METTL16: variants seen among roughly 807,000 people sequenced by gnomAD.
METTL16 encodes the protein RNA N(6)-adenosine-methyltransferase METTL16.
In METTL16, 19 loss-of-function variants were observed where a neutral mutation model predicts 57.9. The observed-to-expected ratio is 0.33, with a 90% CI of 0.23 to 0.48. The LOEUF is 0.48. Ranked by LOEUF, METTL16 falls within the 20% of genes least tolerant of loss-of-function variation. The pLI, the probability that METTL16 is intolerant of heterozygous loss-of-function variation, is 0.99. For synonymous variants in METTL16, 246 were observed against 255.6 expected (o/e 0.96, Z 0.36); for missense variants, 434 against 691.5 (o/e 0.63, Z 4.18).
At position 2,417,121 on chromosome 17, in the gene METTL16, A is replaced by C. The variant is rs2066725249; in HGVS notation, c.*2849T>G. On this transcript the variant is annotated 3_prime_UTR_variant, in exon 10 of 10. Transcript: ENST00000263092. The stretch of plus-strand genomic sequence containing the variant: ...CACTTTGTCGCCCAGGCTGTAGTGC[A>C]GTGGCATTCTCGGCTCACTGCAACC... 1 of 123,704 alleles carries C rather than the reference A, an allele frequency of 8.1e-6. No individual in the cohort carries two copies. Among genetic ancestry groups the C allele is most frequent in the South Asian group, 2.7e-4 (1 of 3,668 alleles). The allele number at this position is 123,704 out of a possible 1,614,324, so 7.7% of individuals were successfully genotyped here. A position where few individuals can be genotyped will look rare whatever the true frequency, so the allele number is the denominator to read the frequency against.
In METTL16 at chr17:2,419,852, T is replaced by C. The variant is rs1168439040; in HGVS notation, c.*118A>G. On this transcript the variant is annotated 3_prime_UTR_variant, in exon 10 of 10. Transcript: ENST00000263092. Reference sequence around the variant, plus strand: ...GGGGACAGATTCATAGGTTTTTGTTTTCGAAGATAATTCCACATCGTGCTA... The same window carrying C: ...GGGGACAGATTCATAGGTTTTTGTTCTCGAAGATAATTCCACATCGTGCTA... 1.5e-6 allele frequency: 2 copies of C among 1,305,250 alleles called. No individual in the cohort carries two copies. The highest frequency in any genetic ancestry group is 2.2e-6 in the Non-Finnish European group (2 of 926,600). The allele number at this position is 1,305,250 out of a possible 1,614,324, so 80.9% of individuals were successfully genotyped here. A position where few individuals can be genotyped will look rare whatever the true frequency, so the allele number is the denominator to read the frequency against.
At chr17:2,444,915 CA>C (rs1441371067) in intron 6 of METTL16, among the ~76,000 whole-genome samples, 1 of 152,032 alleles carries the variant, frequency 6.6e-6, no homozygotes, top group Non-Finnish European at 1.5e-5. Context: ...AGGGTTTCAC[CA>C]TGTTGGCCAG....
chr17:2,506,858 C>A lies in METTL16; in HGVS notation c.1-4527G>T, dbSNP rs1188854469. ...GAAGTGAGGAGCGTCTCTGCCCGGC[C>A]GCCCATCATCTGAGATGTGGGGAGC... On this transcript the variant is annotated intron_variant, in intron 1 of 9. Coordinates refer to ENST00000263092, the MANE Select transcript of METTL16 (RefSeq NM_024086.4). Among the ~76,000 whole-genome samples, 5 of 151,814 alleles carry A rather than the reference C, an allele frequency of 3.3e-5. No individual in the cohort carries two copies. In the East Asian group the frequency reaches 9.8e-4, roughly 30 times the overall value.
At chr17:2,479,295 T>C (rs914244688) in intron 2 of METTL16, among the ~76,000 whole-genome samples, 12 of 150,050 alleles carry the variant, frequency 8.0e-5, no homozygotes, top group African/African-American at 2.5e-4. Context: ...GCCCCACAAG[T>C]AGCTGGGACT....
chr17:2,506,497 G>T (rs1347481950), intron 1 of METTL16, among the ~76,000 whole-genome samples: 1 of 91,726 alleles, frequency 1.1e-5, no homozygotes, highest in Admixed American at 1.0e-4. Context: ...TGTGTTGGCC[G>T]GGCTGGTCTC....
intron 6 of METTL16, among the ~76,000 whole-genome samples, chr17:2,463,401 T>A (rs1169279503): frequency 6.6e-6 from 1 of 152,202 alleles, no homozygotes; most frequent in Non-Finnish European, 1.5e-5. Context: ...GCATGGAACA[T>A]CCTCAGAAAC....
chr17:2,420,894 C>A lies in METTL16; in HGVS notation c.899G>T (p.Ser300Ile), dbSNP rs1370047459. Reference protein sequence around the residue: ...YDDVTVPSPPSKRRKLEKPRK... With the variant: ...YDDVTVPSPPIKRRKLEKPRK... ...CGGTTTCTCTAATTTTCTTCGCTTACTTGGTGGTGACTGCAAGAAAAAGGA... is the reference window on the plus strand; with the variant it reads ...CGGTTTCTCTAATTTTCTTCGCTTAATTGGTGGTGACTGCAAGAAAAAGGA... The change falls in exon 9 of 10, where the codon AGT becomes ATT. Residue 300 changes from serine (S) to isoleucine (I), a missense_variant. Around this residue, in one of 5 missense-constraint regions of METTL16, gnomAD observed 96 missense variants for 138.3 expected, o/e 0.69. Coordinates refer to ENST00000263092, the MANE Select transcript of METTL16 (RefSeq NM_024086.4). The surrounding 1 kb of genome is among the most constrained non-coding windows in gnomAD (Gnocchi z 5.4). 10 of 1,612,786 alleles carry A rather than the reference C, an allele frequency of 6.2e-6. No homozygotes were observed. The highest frequency in any genetic ancestry group is 2.7e-5 in the African/African-American group (2 of 74,826).
chr17:2,506,815 G>A (rs1336314049), intron 1 of METTL16, among the ~76,000 whole-genome samples: 12 of 149,924 alleles, frequency 8.0e-5, no homozygotes, highest in African/African-American at 3.0e-4. Flanking sequence ...GTCTCTGCCC[G>A]GCCGCCATCC....
rs76347983 is a variant in METTL16 at position 2,434,992 on chromosome 17, G to A, written c.888+3117C>T. On this transcript the variant is annotated intron_variant, in intron 8 of 9. Coordinates refer to ENST00000263092, the MANE Select transcript of METTL16 (RefSeq NM_024086.4). Reference sequence around the variant, plus strand: ...AAAACAAAGCTAAAATAATGCTTTCGGCAATTAGCGGAGAGCTGGAACAAA... The same window carrying A: ...AAAACAAAGCTAAAATAATGCTTTCAGCAATTAGCGGAGAGCTGGAACAAA... Among the ~76,000 whole-genome samples, 203 of 152,280 alleles carry A rather than the reference G, an allele frequency of 1.3e-3. 3 individuals carry two copies. The East Asian group carries it at 0.034, about 26-fold the overall frequency.
At chr17:2,426,067 CATT>C (rs1252823413) in intron 8 of METTL16, among the ~76,000 whole-genome samples, 3 of 145,902 alleles carry the variant, frequency 2.1e-5, no homozygotes, top group Non-Finnish European at 4.5e-5. Flanking sequence ...TGAATGAAAT[CATT>C]AAATTCTCTC....
chr17:2,500,887 CG>C (rs1567907436), intron 2 of METTL16, among the ~76,000 whole-genome samples: 1 of 151,874 alleles, frequency 6.6e-6, no homozygotes, highest in Non-Finnish European at 1.5e-5. Context: ...GAAGCCAAGG[CG>C]GGCGGATCAC....
At chr17:2,451,333 G>C in intron 6 of METTL16, among the ~76,000 whole-genome samples, 1 of 152,096 alleles carries the variant, frequency 6.6e-6, no homozygotes, top group East Asian at 1.9e-4. Flanking sequence ...CTTTAAGAAA[G>C]TATCATCGGG....
intron 5 of METTL16, among the ~76,000 whole-genome samples, chr17:2,464,815 A>G (rs2067178719): frequency 6.6e-6 from 1 of 151,914 alleles, no homozygotes; most frequent in African/African-American, 2.4e-5. Flanking sequence ...ATAAATTTTC[A>G]TGAGCTTGGA....
At chr17:2,493,023 A>G (rs1597469382) in intron 2 of METTL16, among the ~76,000 whole-genome samples, 1 of 151,662 alleles carries the variant, frequency 6.6e-6, no homozygotes, top group Non-Finnish European at 1.5e-5. Flanking sequence ...TTAAGAGACC[A>G]CTTAGGAGTT....
At chr17:2,473,721 A>C (rs2067250758) in intron 3 of METTL16, 57 bp from the exon 4 acceptor site, 5 of 1,539,954 alleles carry the variant, frequency 3.2e-6, no homozygotes, top group Non-Finnish European at 4.4e-6. Flanking sequence ...GGTTACAATA[A>C]TCATGAAAAC....
intron 7 of METTL16, among the ~76,000 whole-genome samples, chr17:2,438,776 G>A (rs2066926737): frequency 6.6e-6 from 1 of 152,168 alleles, no homozygotes; most frequent in Non-Finnish European, 1.5e-5. Flanking sequence ...TTACAGGTGT[G>A]AGCCACCACA....
intron 2 of METTL16, among the ~76,000 whole-genome samples, chr17:2,494,044 A>C (rs2067421955): frequency 6.6e-6 from 1 of 152,092 alleles, no homozygotes; most frequent in Non-Finnish European, 1.5e-5. Context: ...GATTACTTTT[A>C]ATTTCTTTTC....
chr17:2,444,189 G>A (rs1331087344), intron 6 of METTL16, among the ~76,000 whole-genome samples: 1 of 152,096 alleles, frequency 6.6e-6, no homozygotes, highest in African/African-American at 2.4e-5. Context: ...GTTGAGGCCG[G>A]GCACGGTGGC....
At chr17:2,433,633 C>T (rs11872041) in intron 8 of METTL16, among the ~76,000 whole-genome samples, 41,325 of 152,082 alleles carry the variant, frequency 0.27, 9,381 homozygotes, top group African/African-American at 0.62. Context: ...CTGCAGTAGA[C>T]GTAGTTCACT....
Sources: allele counts gnomAD v4.1 joint callset (sites outside exome capture counted in the v4.1 genomes callset), GRCh38; gene constraint gnomAD v4.1.1; regional missense constraint gnomAD v4.1.1; non-coding constraint Gnocchi (gnomAD v3.1); transcripts MANE v1.5; gene names NCBI Gene and HGNC (gene_info 2026-07-23, HGNC 2026-07-21).